MAPKAPK5: variants seen among roughly 807,000 people sequenced by gnomAD.
MAPKAPK5 encodes MAPK activated protein kinase 5, also known as MAP kinase-activated protein kinase 5.
In MAPKAPK5, 30 loss-of-function variants were observed where a neutral mutation model predicts 65.1. That is an observed-to-expected ratio of 0.46 (90% confidence interval 0.34 to 0.63). The LOEUF is 0.63. MAPKAPK5 is among the 20% of genes least tolerant of loss of function. MAPKAPK5 has a pLI of 0.01. For synonymous variants in MAPKAPK5, 179 were observed against 204.6 expected, an observed-to-expected ratio of 0.87 and a Z score of 1.07; for missense variants, 433 against 581.4, an observed-to-expected ratio of 0.74 and a Z score of 2.63.
rs376618240 is a variant in MAPKAPK5 at position 111,873,105 on chromosome 12, CA to C, written c.579+1927del. Among the ~76,000 whole-genome samples, 35 of 152,038 alleles carry C rather than the reference CA, an allele frequency of 2.3e-4. No homozygotes were observed. In the East Asian group the frequency reaches 6.0e-3, roughly 26 times the overall value. On this transcript the variant is annotated intron_variant, in intron 7 of 13. Transcript: ENST00000550735. ...TAGTACTTTTTGTTCCTAAGATCCA[CA>C]AGCATAAATATTTTCTCTGATGTTT... is the stretch of plus-strand genomic sequence containing the variant.
intron 1 of MAPKAPK5, among the ~76,000 whole-genome samples, chr12:111,861,510 T>C (rs947188552): frequency 6.6e-6 from 1 of 151,974 alleles, no homozygotes; most frequent in African/African-American, 2.4e-5. Flanking sequence ...TTATTTTTAG[T>C]AGAGATGGGG....
chr12:111,849,710 A>G (rs918879212), intron 1 of MAPKAPK5, among the ~76,000 whole-genome samples: 2 of 151,666 alleles, frequency 1.3e-5, no homozygotes, highest in Non-Finnish European at 2.9e-5. Flanking sequence ...AGTTTAGCAC[A>G]TTTTTTTCTT....
intron 12 of MAPKAPK5, 144 bp downstream of exon 12, chr12:111,889,144 T>G: frequency 1.1e-6 from 1 of 883,276 alleles, no homozygotes; most frequent in East Asian, 2.7e-5. Flanking sequence ...AAAAGTACAT[T>G]ATATAAGGTA....
intron 1 of MAPKAPK5, 199 bp downstream of exon 1, chr12:111,842,968 C>T: frequency 2.3e-6 from 1 of 427,090 alleles, no homozygotes; most frequent in Middle Eastern, 4.7e-4. Context: ...GTCCGACTCC[C>T]GCCAGCTTCC....
At chr12:111,849,903 T>C (rs1297961723) in intron 1 of MAPKAPK5, among the ~76,000 whole-genome samples, 1 of 150,702 alleles carries the variant, frequency 6.6e-6, no homozygotes, top group Non-Finnish European at 1.5e-5. Flanking sequence ...CTTTTTTTTT[T>C]GTAGAGACAC....
intron 1 of MAPKAPK5, among the ~76,000 whole-genome samples, chr12:111,858,558 TTC>T (rs2069322442): frequency 6.6e-6 from 1 of 150,814 alleles, no homozygotes; most frequent in Admixed American, 6.6e-5. Context: ...TTTTTTTTTT[TTC>T]CAAAACGGAG....
chr12:111,872,971 G>A (rs1478799029), intron 7 of MAPKAPK5, among the ~76,000 whole-genome samples: 1 of 152,068 alleles, frequency 6.6e-6, no homozygotes, highest in African/African-American at 2.4e-5. Flanking sequence ...TATATATCAT[G>A]AATATTCATC....
intron 7 of MAPKAPK5, 38 bp downstream of exon 7, chr12:111,871,218 A>T (rs1566251781): frequency 2.6e-6 from 4 of 1,545,072 alleles, no homozygotes; most frequent in Non-Finnish European, 3.6e-6. Flanking sequence ...ATCTGTCACC[A>T]AGCTGCCCAT....
chr12:111,876,205 C>CAAAAA (rs751802746), intron 7 of MAPKAPK5, among the ~76,000 whole-genome samples: 2 of 43,564 alleles, frequency 4.6e-5, no homozygotes, highest in Admixed American at 2.2e-4. Context: ...GACTCCATCT[C>CAAAAA]AAAAAAAAAA....
At chr12:111,891,637 C>CAAAAAAAAAA (rs78504500) in intron 13 of MAPKAPK5, among the ~76,000 whole-genome samples, 4 of 86,174 alleles carry the variant, frequency 4.6e-5, no homozygotes, top group African/African-American at 1.2e-4. Flanking sequence ...ACTAAAAATA[C>CAAAAAAAAAA]AAAAAAAAAA....
Position 111,901,087 on chromosome 12 carries a change from CAAT to C in MAPKAPK5, c.*8027_*8029del, listed in dbSNP as rs1381736892. 2.2e-6 allele frequency: 1 copy of C among 455,956 alleles called. No individual in the cohort carries two copies. Among genetic ancestry groups the C allele is most frequent in the Admixed American group, 2.3e-5 (1 of 42,564 alleles). The allele number at this position is 455,956 out of a possible 1,614,324, so 28.2% of individuals were successfully genotyped here. A position where few individuals can be genotyped will look rare whatever the true frequency, so the allele number is the denominator to read the frequency against. On this transcript the variant is annotated 3_prime_UTR_variant, in exon 14 of 14. Coordinates refer to ENST00000550735, the MANE Select transcript of MAPKAPK5 (RefSeq NM_003668.4). ...TTACCAAAAATCAATCTCCAACATA[CAAT>C]GATTCAGGTCCCTCAGGGAGATGGC... is the stretch of plus-strand genomic sequence containing the variant.
intron 1 of MAPKAPK5, among the ~76,000 whole-genome samples, chr12:111,860,762 T>C (rs2069411891): frequency 6.6e-6 from 1 of 152,158 alleles, no homozygotes; most frequent in Admixed American, 6.5e-5. Flanking sequence ...TTACACTGTA[T>C]TGAAATAGTT....
In MAPKAPK5 at chr12:111,893,315, A is replaced by C. The variant is rs911253236; in HGVS notation, c.*254A>C. ...AGATGACAGATGATGCTGTCAAGCA[A>C]TATTGTTTTATTTGTAATAAAATAT... On this transcript the variant is annotated 3_prime_UTR_variant, in exon 14 of 14. Coordinates refer to ENST00000550735, the MANE Select transcript of MAPKAPK5 (RefSeq NM_003668.4). 3 of 190,684 alleles carry C rather than the reference A, an allele frequency of 1.6e-5. No homozygotes were observed. Among genetic ancestry groups the C allele is most frequent in the Admixed American group, 1.2e-4 (2 of 16,694 alleles). 11.8% of individuals were successfully genotyped at this position (190,684 alleles called of 1,614,324 possible).
chr12:111,890,267 G>T, intron 13 of MAPKAPK5, 123 bp downstream of exon 13: 1 of 702,736 alleles, frequency 1.4e-6, no homozygotes, highest in Non-Finnish European at 2.5e-6. Flanking sequence ...TGGCTGGAGA[G>T]TGAGTGGAGC....
intron 7 of MAPKAPK5, among the ~76,000 whole-genome samples, chr12:111,874,043 C>T (rs1359985019): frequency 6.6e-6 from 1 of 152,138 alleles, no homozygotes; most frequent in Non-Finnish European, 1.5e-5. Flanking sequence ...AGGTCTTGCA[C>T]ATATTTTCTT....
chr12:111,885,856 C>A, intron 9 of MAPKAPK5, 60 bp from the exon 10 acceptor site: 1 of 1,608,334 alleles, frequency 6.2e-7, no homozygotes, highest in African/African-American at 1.3e-5. Context: ...GGTCCAGGAA[C>A]TTCCTATGGC....
At chr12:111,851,283 A>G (rs1042623941) in intron 1 of MAPKAPK5, among the ~76,000 whole-genome samples, 2 of 152,080 alleles carry the variant, frequency 1.3e-5, no homozygotes, top group Admixed American at 6.6e-5. Flanking sequence ...GAAGTGGTCT[A>G]CTTGTCCACA....
At position 111,880,458 on chromosome 12, in the gene MAPKAPK5, G is replaced by T; in HGVS notation, c.591G>T (p.Ala197=). 3 of 1,613,634 alleles carry T rather than the reference G, an allele frequency of 1.9e-6. No individual in the cohort carries two copies. The highest frequency in any genetic ancestry group is 2.5e-6 in the Non-Finnish European group (3 of 1,179,724). ...PYYVAPQVLE[A]QRRHQKEKSG... ...CTGACTCTTGACAGGTACTGGAGGC[G>T]CAAAGAAGGCATCAGAAGGAGAAAT... Residue 197 remains alanine, a synonymous_variant, in exon 8 of 14, where the codon GCG becomes GCT. Transcript: ENST00000550735.
chr12:111,868,924 T>TG (rs1204456326), intron 5 of MAPKAPK5, 63 bp downstream of exon 5: 13 of 1,225,598 alleles, frequency 1.1e-5, no homozygotes, highest in South Asian at 9.5e-5. Flanking sequence ...ACAATTTCAT[T>TG]GGGGGGAAGA....
Sources: gnomAD v4.1 joint callset for allele counts (sites outside exome capture counted in the v4.1 genomes callset) on GRCh38, gnomAD v4.1.1 for gene constraint, MANE v1.5 for transcripts, NCBI Gene and HGNC (gene_info 2026-07-23, HGNC 2026-07-21) for gene names.